Variants in ZNF286A observed in about 807,000 individuals in gnomAD.
The protein encoded by ZNF286A is zinc finger protein 286A, also known as zinc finger protein ZNF286.
ZNF286A carries 34 observed loss-of-function variants against 49.3 expected under a neutral mutation model. The observed-to-expected ratio is 0.69, with a 90% CI of 0.52 to 0.92. The LOEUF is 0.92. Among genes scored for constraint, ZNF286A ranks in the 40% least tolerant of loss-of-function variants. The pLI is 0.00. For synonymous variants in ZNF286A, 155 were observed against 200.4 expected, an observed-to-expected ratio of 0.77 and a Z score of 1.91; for missense variants, 462 against 600.2, an observed-to-expected ratio of 0.77 and a Z score of 2.41.
intron 1 of ZNF286A, 168 bp downstream of exon 1, chr17:15,699,945 C>T (rs1389971934): frequency 4.8e-6 from 3 of 626,896 alleles, no homozygotes; most frequent in Non-Finnish European, 8.6e-6. Flanking sequence ...CCTCGGGGGA[C>T]GCGGTTGTGC....
At chr17:15,704,625 G>A in intron 3 of ZNF286A, 1 of 1,613,986 alleles carries the variant, frequency 6.2e-7, no homozygotes, top group Non-Finnish European at 8.5e-7. Flanking sequence ...CGCAGATCTC[G>A]CCATTGGCGC....
Position 15,720,471 on chromosome 17 carries a change from T to G in ZNF286A, c.*3181T>G, listed in dbSNP as rs1024963780. ...TGGTGCTGTTTTCTGCACAGCCTCC[T>G]TGAGACCTTCCAGAACCTTCTTTTT... On this transcript the variant is annotated 3_prime_UTR_variant, in exon 6 of 6. Coordinates refer to ENST00000583566, the MANE Select transcript of ZNF286A (RefSeq NM_001130842.2). 3 of 140,368 alleles carry G rather than the reference T, an allele frequency of 2.1e-5. No individual in the cohort carries two copies. The highest frequency in any genetic ancestry group is 3.1e-5 in the Non-Finnish European group (2 of 65,280). The allele number at this position is 140,368 out of a possible 1,614,324, so 8.7% of individuals were successfully genotyped here.
chr17:15,700,456 C>G (rs1175617580), intron 2 of ZNF286A, 90 bp downstream of exon 2: 1 of 748,712 alleles, frequency 1.3e-6, no homozygotes, highest in Non-Finnish European at 2.4e-6. Context: ...GGAGGTGGCT[C>G]TTGGCTGGCT....
intron 5 of ZNF286A, among the ~76,000 whole-genome samples, chr17:15,712,771 A>G (rs1021064270): frequency 6.6e-6 from 1 of 152,176 alleles, no homozygotes; most frequent in Non-Finnish European, 1.5e-5. Context: ...ATATTTTCAT[A>G]ATCAAATCTC....
chr17:15,718,995 C>G lies in ZNF286A; in HGVS notation c.*1705C>G, dbSNP rs1967231240. On this transcript the variant is annotated 3_prime_UTR_variant, in exon 6 of 6. Coordinates refer to ENST00000583566, the MANE Select transcript of ZNF286A (RefSeq NM_001130842.2). ...TCATGAGAACTCTATCACGAGACAGCAGTAGGGGGACAGTGCTAAATCATT... is the reference window on the plus strand; with the variant it reads ...TCATGAGAACTCTATCACGAGACAGGAGTAGGGGGACAGTGCTAAATCATT... The G allele has an allele frequency of 7.9e-6, 1 of 126,342 alleles. No homozygotes were observed. The highest frequency in any genetic ancestry group is 3.0e-4 in the South Asian group (1 of 3,368). The allele number at this position is 126,342 out of a possible 1,614,324, so 7.8% of individuals were successfully genotyped here.
intron 3 of ZNF286A, among the ~76,000 whole-genome samples, chr17:15,701,797 C>T (rs1239802302): frequency 6.6e-6 from 1 of 152,104 alleles, no homozygotes; most frequent in Non-Finnish European, 1.5e-5. Context: ...TATTGTTGGC[C>T]CCTCTCTCCC....
At chr17:15,715,438 C>A (rs1460489355) in intron 5 of ZNF286A, among the ~76,000 whole-genome samples, 1 of 151,998 alleles carries the variant, frequency 6.6e-6, no homozygotes, top group Non-Finnish European at 1.5e-5. Context: ...TCAATCATTT[C>A]TGTATAGTAG....
chr17:15,712,490 C>T (rs1302282616), intron 5 of ZNF286A, among the ~76,000 whole-genome samples: 2 of 152,184 alleles, frequency 1.3e-5, no homozygotes, highest in Non-Finnish European at 2.9e-5. Flanking sequence ...GTCTAAATTT[C>T]CCATCTCCCC....
chr17:15,708,243 T>C lies in ZNF286A; in HGVS notation c.330T>C (p.Tyr110=). 6.3e-7 allele frequency: 1 copy of C among 1,585,332 alleles called. No individual in the cohort carries two copies. Among genetic ancestry groups the C allele is most frequent in the African/African-American group, 1.4e-5 (1 of 73,888 alleles). Residue 110 remains tyrosine (Y), a synonymous_variant, in exon 5 of 6, where the codon TAT becomes TAC. Coordinates refer to ENST00000583566, the MANE Select transcript of ZNF286A (RefSeq NM_001130842.2). ...AGAGAAAAGCCCCCAAAAGCAGCTA[T>C]TCAGGTGAGCCAGATAGATGGGAGT... is the stretch of plus-strand genomic sequence containing the variant. ...KLERKAPKSS[Y]SDMETRPQSK...
In ZNF286A at chr17:15,706,443, G is replaced by A. The variant is rs367996379; in HGVS notation, c.183G>A (p.Lys61=). Residue 61 remains lysine (K), a synonymous_variant, in exon 4 of 6, where the codon AAG becomes AAA. Transcript: ENST00000583566. ...ACTTTACACCAGAGGAGTGGGGGAA[G>A]CTGGATCCTGCACAAAGGGATGTGA... ...AMDFTPEEWG[K]LDPAQRDVML... The A allele has an allele frequency of 6.2e-7, 1 of 1,613,798 alleles. No homozygotes were observed. Among genetic ancestry groups the A allele is most frequent in the Non-Finnish European group, 8.5e-7 (1 of 1,179,944 alleles).
Position 15,708,182 on chromosome 17 carries a change from A to G in ZNF286A, c.269A>G (p.Tyr90Cys), listed in dbSNP as rs200664810. ...LWLPVSKPES[Y>C]NLENGKEPLK... is the part of the protein sequence containing the mutation. Reference sequence around the variant, plus strand: ...CTTCCAGTTTCCAAACCTGAGAGCTACAACTTGGAGAATGGAAAAGAACCA... The same window carrying G: ...CTTCCAGTTTCCAAACCTGAGAGCTGCAACTTGGAGAATGGAAAAGAACCA... Residue 90 changes from tyrosine (Y) to cysteine (C), a missense_variant, in exon 5 of 6, where the codon TAC (tyrosine) becomes TGC (cysteine). By Grantham distance (194) the Tyr-to-Cys change is radical. Around this residue, in one of 3 missense-constraint regions of ZNF286A, gnomAD observed 259 missense variants for 272.2 expected, o/e 0.95. Transcript: ENST00000583566. 1.3e-6 allele frequency: 2 copies of G among 1,596,652 alleles called. No homozygotes were observed. Among genetic ancestry groups the G allele is most frequent in the Non-Finnish European group, 1.7e-6 (2 of 1,172,282 alleles).
rs372666305 is a variant in ZNF286A, at chr17:15,704,924, T to TCC, written c.127-1458_127-1457dup. On this transcript the variant is annotated intron_variant, in intron 3 of 5. Transcript: ENST00000583566. Reference sequence around the variant, plus strand: ...ATGGCTGCGGCCGGCCGGGGGCGGGTCCCCCCGGCCCCCTTCCTGCGTTCT... The same window carrying TCC: ...ATGGCTGCGGCCGGCCGGGGGCGGGTCCCCCCCCGGCCCCCTTCCTGCGTTCT... The TCC allele has an allele frequency of 2.0e-4, 312 of 1,562,606 alleles. 9 individuals carry two copies. Among genetic ancestry groups the TCC allele is most frequent in the Non-Finnish European group, 5.3e-5 (61 of 1,152,470 alleles).
intron 5 of ZNF286A, chr17:15,711,328 AT>A (rs1183300312): frequency 6.6e-6 from 1 of 151,838 alleles, no homozygotes; most frequent in Admixed American, 6.6e-5. Flanking sequence ...ATATTCTTTA[AT>A]TTTTTCTTTA....
chr17:15,711,757 C>T (rs930319201), intron 5 of ZNF286A, among the ~76,000 whole-genome samples: 1 of 151,602 alleles, frequency 6.6e-6, no homozygotes, highest in African/African-American at 2.4e-5. Flanking sequence ...AAGTAGGCAG[C>T]AGGCTGTAGT....
Position 15,716,321 on chromosome 17 carries a change from T to C in ZNF286A, c.597T>C (p.Asn199=). The change falls in exon 6 of 6, where the codon AAT becomes AAC. Residue 199 remains asparagine (N), a synonymous_variant. Coordinates refer to ENST00000583566, the MANE Select transcript of ZNF286A (RefSeq NM_001130842.2). ...ATGATGTATACTGGAAAAGCTTCAATCAGAAATCTGTCCTTATCACTGAAG... is the reference window on the plus strand; with the variant it reads ...ATGATGTATACTGGAAAAGCTTCAACCAGAAATCTGTCCTTATCACTGAAG... ...HKHDVYWKSF[N]QKSVLITEDR... 6.2e-7 allele frequency: 1 copy of C among 1,613,866 alleles called. No individual in the cohort carries two copies. Among genetic ancestry groups the C allele is most frequent in the Non-Finnish European group, 8.5e-7 (1 of 1,179,836 alleles).
At chr17:15,710,403 T>C (rs907727226) in intron 5 of ZNF286A, among the ~76,000 whole-genome samples, 5 of 152,212 alleles carry the variant, frequency 3.3e-5, no homozygotes, top group African/African-American at 7.2e-5. Flanking sequence ...TTTTTGTATA[T>C]GATGAAATGG....
chr17:15,706,419 CT>C lies in ZNF286A; in HGVS notation c.162del (p.Phe54LeufsTer16). The C allele has an allele frequency of 6.2e-7, 1 of 1,613,942 alleles. No homozygotes were observed. The highest frequency in any genetic ancestry group is 1.1e-5 in the South Asian group (1 of 91,078). On this transcript the variant is annotated frameshift_variant, in exon 4 of 6. Coordinates refer to ENST00000583566, the MANE Select transcript of ZNF286A (RefSeq NM_001130842.2). LOFTEE classifies it high-confidence loss of function. ...TGACATTCAAGGATGTGGCCATGGACTTTACACCAGAGGAGTGGGGGAAGCT... is the reference window on the plus strand; with the variant it reads ...TGACATTCAAGGATGTGGCCATGGACTTACACCAGAGGAGTGGGGGAAGCT... ...TVTFKDVAMD[F>X]TPEEWGKLDP...
intron 5 of ZNF286A, among the ~76,000 whole-genome samples, chr17:15,709,491 C>T (rs775577186): frequency 2.1e-5 from 3 of 144,308 alleles, no homozygotes; most frequent in Non-Finnish European, 4.6e-5. Flanking sequence ...GACTGTGTCT[C>T]AAAAAAAAAA....
chr17:15,714,955 C>A (rs1305757380), intron 5 of ZNF286A, among the ~76,000 whole-genome samples: 1 of 151,970 alleles, frequency 6.6e-6, no homozygotes, highest in African/African-American at 2.4e-5. Context: ...GACTGAAATA[C>A]CACCTTCATA....
Sources: gnomAD v4.1 joint callset for allele counts (sites outside exome capture counted in the v4.1 genomes callset) on GRCh38, gnomAD v4.1.1 for gene constraint, gnomAD v4.1.1 regional missense constraint, MANE v1.5 for transcripts, NCBI Gene and HGNC (gene_info 2026-07-23, HGNC 2026-07-21) for gene names.